The following KIF1C variants were observed in gnomAD, a reference collection of about 807,000 sequenced individuals.
KIF1C encodes the protein kinesin-like protein KIF1C.
A neutral mutation model predicts 126.5 loss-of-function variants in KIF1C; 61 were observed. The ratio of observed to expected loss-of-function variants is 0.48; its 90% CI spans 0.39 to 0.60. KIF1C has a LOEUF of 0.60. Among genes scored for constraint, KIF1C ranks in the 20% least tolerant of loss-of-function variants. KIF1C has a pLI of 0.00. For synonymous variants in KIF1C, 640 were observed against 580.6 expected (o/e 1.10, Z -1.47); for missense variants, 1,315 against 1,489.2 (o/e 0.88, Z 1.93).
At chr17:5,002,918 G>T (rs1323751188) in intron 8 of KIF1C, 76 bp downstream of exon 8, 37 of 1,227,720 alleles carry the variant, frequency 3.0e-5, no homozygotes, top group Non-Finnish European at 2.1e-5. Flanking sequence ...ATGGTAGAAG[G>T]GTCTTGGGCC....
chr17:5,004,536 G>C (rs755836108), intron 11 of KIF1C, 31 bp from the exon 12 acceptor site: 1 of 1,609,690 alleles, frequency 6.2e-7, no homozygotes, highest in East Asian at 2.2e-5. Context: ...CCCTCCCTCA[G>C]CTGAAGCTTT....
intron 16 of KIF1C, among the ~76,000 whole-genome samples, chr17:5,012,917 C>T (rs1314388401): frequency 1.3e-5 from 2 of 150,872 alleles, no homozygotes; most frequent in Non-Finnish European, 3.0e-5. Context: ...CACAGAGCAG[C>T]GTAACAATCA....
At chr17:5,004,474 T>A in intron 11 of KIF1C, 93 bp from the exon 12 acceptor site, 1 of 1,165,040 alleles carries the variant, frequency 8.6e-7, no homozygotes, top group Non-Finnish European at 1.3e-6. Flanking sequence ...CTGTAAGACC[T>A]CTGCCTGGGC....
In KIF1C at chr17:5,001,334, C is replaced by G. The variant is rs368782086; in HGVS notation, c.296C>G (p.Thr99Ser). The change falls in exon 5 of 23, where the codon ACC becomes AGC. Residue 99 changes from threonine to serine, a missense_variant. Physicochemically the swap from Thr to Ser is moderately conservative, Grantham distance 58 (BLOSUM62 1). This residue lies in a region of KIF1C where 874 missense variants were observed against 1,053.2 expected (regional missense o/e 0.83). Coordinates refer to ENST00000320785, the MANE Select transcript of KIF1C (RefSeq NM_006612.6). ...YNVCIFAYGQ[T>S]GAGKSYTMMG... ...GTGTGCATCTTTGCCTATGGGCAGA[C>G]CGGGGCTGGGAAATCCTATACCATG... 1.1e-5 allele frequency: 17 copies of G among 1,614,022 alleles called. No individual in the cohort carries two copies. Among genetic ancestry groups the G allele is most frequent in the Non-Finnish European group, 1.4e-5 (16 of 1,179,986 alleles).
intron 18 of KIF1C, among the ~76,000 whole-genome samples, chr17:5,015,582 CTTTTTTTTT>C (rs58961639): frequency 4.2e-5 from 3 of 71,248 alleles, no homozygotes; most frequent in South Asian, 9.8e-4. Context: ...CTGCCCCCAG[CTTTTTTTTT>C]TTTTTTTTTT....
chr17:5,004,839 C>T lies in KIF1C; in HGVS notation c.1020-16C>T. 1 of 1,614,150 alleles carries T rather than the reference C, an allele frequency of 6.2e-7. No homozygotes were observed. Among genetic ancestry groups the T allele is most frequent in the Non-Finnish European group, 8.5e-7 (1 of 1,180,006 alleles). On this transcript the variant is annotated splice_polypyrimidine_tract_variant and intron_variant, in intron 12 of 22. Transcript: ENST00000320785. ...CTGCCCCCAGGCCTCACCGACCCTG[C>T]TCCTCTGTCACCCAGGTATGCTGAC...
In KIF1C at chr17:5,020,502, T is replaced by C; in HGVS notation, c.1761T>C (p.Ile587=). ...TCCTCCCATCTCTAGGGAATAGGATTGTGATGGGCAAGAACCACGTTTTCC... is the reference window on the plus strand; with the variant it reads ...TCCTCCCATCTCTAGGGAATAGGATCGTGATGGGCAAGAACCACGTTTTCC... ...EPLVLKSGNR[I]VMGKNHVFRF... is the part of the protein sequence containing the mutation. Residue 587 remains isoleucine, a synonymous_variant, in exon 20 of 23, where the codon ATT becomes ATC. Coordinates refer to ENST00000320785, the MANE Select transcript of KIF1C (RefSeq NM_006612.6). This position sits in a 1 kb window ranked among gnomAD's most constrained non-coding sequence, Gnocchi z 5.8. The C allele has an allele frequency of 1.9e-6, 3 of 1,613,190 alleles. No individual in the cohort carries two copies. The highest frequency in any genetic ancestry group is 1.7e-6 in the Non-Finnish European group (2 of 1,179,498).
rs140173219 is a variant in KIF1C, at chr17:5,026,915, G to GC, written c.*2772dup. 0.082 allele frequency: 12,379 copies of GC among 151,216 alleles called. 669 individuals are homozygous for GC. Among genetic ancestry groups the GC allele is most frequent in the Middle Eastern group, 0.13 (39 of 294 alleles). The allele number at this position is 151,216 out of a possible 1,614,324, so 9.4% of individuals were successfully genotyped here. On this transcript the variant is annotated 3_prime_UTR_variant, in exon 23 of 23. Coordinates refer to ENST00000320785, the MANE Select transcript of KIF1C (RefSeq NM_006612.6). Reference sequence around the variant, plus strand: ...CCAGCCTGGGCAACATAGTGAGACTGCCCCCCCCATCTCTACAAAAAATAA... The same window carrying GC: ...CCAGCCTGGGCAACATAGTGAGACTGCCCCCCCCCATCTCTACAAAAAATAA...
At position 5,003,626 on chromosome 17, in the gene KIF1C, T is replaced by C; in HGVS notation, c.735T>C (p.Ser245=). ...GLDSEKVSKI[S]LVDLAGSERA... ...TCTGACCCCAGGTCAGTAAGATCAG[T>C]TTGGTGGACCTTGCTGGGAGTGAGC... The change falls in exon 9 of 23, where the codon AGT becomes AGC. Residue 245 remains serine (S), a synonymous_variant. Coordinates refer to ENST00000320785, the MANE Select transcript of KIF1C (RefSeq NM_006612.6). 1 of 1,613,012 alleles carries C rather than the reference T, an allele frequency of 6.2e-7. No homozygotes were observed. Among genetic ancestry groups the C allele is most frequent in the Non-Finnish European group, 8.5e-7 (1 of 1,179,410 alleles).
chr17:5,023,394 C>T lies in KIF1C; in HGVS notation c.2629-74C>T. The T allele has an allele frequency of 7.9e-7, 1 of 1,262,136 alleles. No individual in the cohort carries two copies. Among genetic ancestry groups the T allele is most frequent in the Non-Finnish European group, 1.1e-6 (1 of 888,904 alleles). 78.2% of individuals were successfully genotyped at this position (1,262,136 alleles called of 1,614,324 possible). ...CTTTGACATCCAGCCACTCCAGGTC[C>T]CTCTTGAATCCACATGTCCTGAGGA... On this transcript the variant is annotated intron_variant, in intron 22 of 22. Coordinates refer to ENST00000320785, the MANE Select transcript of KIF1C (RefSeq NM_006612.6). This position sits in a 1 kb window ranked among gnomAD's most constrained non-coding sequence, Gnocchi z 4.2.
chr17:5,019,230 T>C (rs1333182740), intron 18 of KIF1C: 1 of 167,766 alleles, frequency 6.0e-6, no homozygotes, highest in Non-Finnish European at 1.5e-5. Flanking sequence ...TGTTATTTTA[T>C]GGTTTACTTT....
At chr17:5,008,978 A>G (rs1974797519) in intron 16 of KIF1C, among the ~76,000 whole-genome samples, 1 of 152,158 alleles carries the variant, frequency 6.6e-6, no homozygotes, top group Admixed American at 6.5e-5. Flanking sequence ...GCCACCTGCC[A>G]AAGCCTGGGG....
Position 5,013,684 on chromosome 17 carries a change from C to G in KIF1C, c.1523C>G (p.Pro508Arg). Reference protein sequence around the residue: ...TPHLVNLNEDPLMSECLLYHI... With the variant: ...TPHLVNLNEDRLMSECLLYHI... ...CACCTGGTGAACCTGAACGAAGACCCTCTGATGTCTGAGTGTCTGCTCTAC... is the reference window on the plus strand; with the variant it reads ...CACCTGGTGAACCTGAACGAAGACCGTCTGATGTCTGAGTGTCTGCTCTAC... Residue 508 changes from proline (P) to arginine (R), a missense_variant, in exon 17 of 23, where the codon CCT (proline) becomes CGT (arginine). By Grantham distance (103) the Pro-to-Arg change is moderately radical. Around this residue, in one of 2 missense-constraint regions of KIF1C, gnomAD observed 874 missense variants for 1,053.2 expected, o/e 0.83. Coordinates refer to ENST00000320785, the MANE Select transcript of KIF1C (RefSeq NM_006612.6). 2.5e-6 allele frequency: 4 copies of G among 1,613,816 alleles called. No individual in the cohort carries two copies. Among genetic ancestry groups the G allele is most frequent in the Non-Finnish European group, 3.4e-6 (4 of 1,179,784 alleles).
In KIF1C at chr17:5,023,436, T is replaced by A. The variant is rs1423824196; in HGVS notation, c.2629-32T>A. The A allele has an allele frequency of 1.3e-6, 2 of 1,585,298 alleles. No homozygotes were observed. The highest frequency in any genetic ancestry group is 1.7e-6 in the Non-Finnish European group (2 of 1,156,688). On this transcript the variant is annotated intron_variant, in intron 22 of 22. Transcript: ENST00000320785. The surrounding 1 kb of genome is among the most constrained non-coding windows in gnomAD (Gnocchi z 4.2). ...TCCTGAGGATTCAGCTCTCCTCACATCCCTTCTCCTTTTCTCACTCCTCCC... is the reference window on the plus strand; with the variant it reads ...TCCTGAGGATTCAGCTCTCCTCACAACCCTTCTCCTTTTCTCACTCCTCCC...
rs1364751336 is a variant in KIF1C at position 5,022,578 on chromosome 17, C to T, written c.2497C>T (p.Leu833Phe). ...AGCCCGAGGGGCGGAGGTGGAGGAC[C>T]TCCGGGCCCACATCGACAAGCTGAC... Reference protein sequence around the residue: ...EGARGAEVEDLRAHIDKLTGI... With the variant: ...EGARGAEVEDFRAHIDKLTGI... Residue 833 changes from leucine to phenylalanine, a missense_variant, in exon 22 of 23, where the codon CTC (leucine) becomes TTC (phenylalanine). By Grantham distance (22) the Leu-to-Phe change is conservative. Transcript: ENST00000320785. This position sits in a 1 kb window ranked among gnomAD's most constrained non-coding sequence, Gnocchi z 4.9. The T allele has an allele frequency of 1.9e-5, 30 of 1,599,342 alleles. No homozygotes were observed. Among genetic ancestry groups the T allele is most frequent in the Non-Finnish European group, 2.5e-5 (29 of 1,172,886 alleles).
At chr17:5,002,269 A>G (rs2143311938) in intron 6 of KIF1C, 145 bp downstream of exon 6, 4 of 963,968 alleles carry the variant, frequency 4.1e-6, no homozygotes, top group African/African-American at 3.2e-5. Flanking sequence ...TCAGCTTCGT[A>G]TGTTCATCTG....
chr17:5,004,961 C>A lies in KIF1C; in HGVS notation c.1126C>A (p.Leu376Met). 6.2e-7 allele frequency: 1 copy of A among 1,614,246 alleles called. No individual in the cohort carries two copies. The highest frequency in any genetic ancestry group is 8.5e-7 in the Non-Finnish European group (1 of 1,180,052). The change falls in exon 13 of 23, where the codon CTG (leucine) becomes ATG (methionine). Residue 376 changes from leucine to methionine, a missense_variant. Leu to Met is a conservative substitution (Grantham distance 15). Around this residue, in one of 2 missense-constraint regions of KIF1C, gnomAD observed 874 missense variants for 1,053.2 expected, o/e 0.83. Transcript: ENST00000320785. Reference sequence around the variant, plus strand: ...GGAGGAAGTAGCCCGGCTGCGGGAACTGCTGATGGCTCAGGGACTGTCAGC... The same window carrying A: ...GGAGGAAGTAGCCCGGCTGCGGGAAATGCTGATGGCTCAGGGACTGTCAGC... ...LQEEVARLRE[L>M]LMAQGLSASA...
chr17:5,024,485 G>T lies in KIF1C; in HGVS notation c.*334G>T, dbSNP rs1975171442. On this transcript the variant is annotated 3_prime_UTR_variant, in exon 23 of 23. Coordinates refer to ENST00000320785, the MANE Select transcript of KIF1C (RefSeq NM_006612.6). ...CCAGTGTTTGACTTTCTTTTCAAGT[G>T]GGGGAAAGTGGGAGAGGACTGAGAG... 7.4e-6 allele frequency: 2 copies of T among 270,388 alleles called. 1 individual carries two copies. Among genetic ancestry groups the T allele is most frequent in the Admixed American group, 1.0e-4 (2 of 19,534 alleles). 16.7% of individuals were successfully genotyped at this position (270,388 alleles called of 1,614,324 possible).
chr17:5,002,887 C>G, intron 8 of KIF1C, 45 bp downstream of exon 8: 1 of 1,473,160 alleles, frequency 6.8e-7, no homozygotes, highest in Non-Finnish European at 9.4e-7. Flanking sequence ...TGCAACCTCC[C>G]CTGGCAACAG....
Sources: gnomAD v4.1 joint callset for allele counts (sites outside exome capture counted in the v4.1 genomes callset) on GRCh38, gnomAD v4.1.1 for gene constraint, gnomAD v4.1.1 regional missense constraint, Gnocchi (gnomAD v3.1) non-coding constraint, MANE v1.5 for transcripts, NCBI Gene and HGNC (gene_info 2026-07-23, HGNC 2026-07-21) for gene names.